PRKAR1B: variants seen among roughly 807,000 people sequenced by gnomAD.
PRKAR1B encodes the protein protein kinase cAMP-dependent type I regulatory subunit beta, also known as cAMP-dependent protein kinase type I-beta regulatory subunit.
A neutral mutation model predicts 46.5 loss-of-function variants in PRKAR1B; 22 were observed. That is an observed-to-expected ratio of 0.47 (90% CI 0.34 to 0.68). PRKAR1B has a LOEUF of 0.68. Among genes scored for constraint, PRKAR1B ranks in the 30% least tolerant of loss-of-function variants. The pLI is 0.01. For missense variants in PRKAR1B, 445 were observed against 535.6 expected, an observed-to-expected ratio of 0.83 and a Z score of 1.67; for synonymous variants, 259 against 217.7, an observed-to-expected ratio of 1.19 and a Z score of -1.67.
At chr7:641,986 T>G (rs553596284) in intron 4 of PRKAR1B, among the ~76,000 whole-genome samples, 1 of 152,228 alleles carries the variant, frequency 6.6e-6, no homozygotes, top group Admixed American at 6.5e-5. Context: ...CACTGCAGCC[T>G]CAACCTCCCG....
At chr7:681,523 G>T (rs1339578572) in intron 2 of PRKAR1B, among the ~76,000 whole-genome samples, 2 of 152,196 alleles carry the variant, frequency 1.3e-5, no homozygotes, top group South Asian at 4.1e-4. Context: ...GCTTTTTAAA[G>T]TGAGTGAGAG....
intron 9 of PRKAR1B, among the ~76,000 whole-genome samples, chr7:576,176 C>T (rs968672808): frequency 6.7e-6 from 1 of 149,530 alleles, no homozygotes; most frequent in Non-Finnish European, 1.5e-5. Context: ...GGCGTGCACG[C>T]TGGCATCCTC....
intron 4 of PRKAR1B, among the ~76,000 whole-genome samples, chr7:675,552 T>C (rs1786534077): frequency 6.6e-6 from 1 of 152,236 alleles, no homozygotes; most frequent in South Asian, 2.1e-4. Flanking sequence ...ATTTTCAATA[T>C]GTTACACATC....
intron 9 of PRKAR1B, among the ~76,000 whole-genome samples, chr7:553,318 C>T (rs1031695770): frequency 3.3e-5 from 5 of 152,226 alleles, no homozygotes; most frequent in South Asian, 4.1e-4. Context: ...CGGCCCTGCA[C>T]GCCGCCGGCC....
At chr7:668,269 C>T (rs1325491630) in intron 4 of PRKAR1B, among the ~76,000 whole-genome samples, 1 of 152,198 alleles carries the variant, frequency 6.6e-6, no homozygotes, top group African/African-American at 2.4e-5. Flanking sequence ...GCTCGCCAAA[C>T]CACAGCTGAG....
At chr7:619,936 G>C (rs917630769) in intron 4 of PRKAR1B, among the ~76,000 whole-genome samples, 3 of 151,766 alleles carry the variant, frequency 2.0e-5, no homozygotes, top group Admixed American at 2.0e-4. Context: ...CTGTAGCCTC[G>C]AACTCCTGGG....
intron 7 of PRKAR1B, among the ~76,000 whole-genome samples, chr7:588,213 G>C (rs1780709562): frequency 6.6e-6 from 1 of 152,014 alleles, no homozygotes; most frequent in Non-Finnish European, 1.5e-5. Context: ...AGGACCCTAA[G>C]GACACCCACC....
Position 569,757 on chromosome 7 carries a change from G to C in PRKAR1B, c.891+9499C>G, listed in dbSNP as rs540592564. 2.0e-5 allele frequency among the ~76,000 whole-genome samples: 3 copies of C among 152,194 alleles called. No homozygotes were observed. The South Asian group carries it at 6.2e-4, about 31-fold the overall frequency. ...GGATGCTGGCACCTGGTGGACAGCA[G>C]GCAGGGTGAGGCCGGAGTCCCTCTA... On this transcript the variant is annotated intron_variant, in intron 9 of 10. Coordinates refer to ENST00000537384, the MANE Select transcript of PRKAR1B (RefSeq NM_001164760.2).
intron 2 of PRKAR1B, among the ~76,000 whole-genome samples, chr7:710,643 CTTTTTTTTTTTTT>C (rs1177446855): frequency 7.3e-6 from 1 of 137,630 alleles, no homozygotes; most frequent in Non-Finnish European, 1.6e-5. Context: ...TTTCTTTTTC[CTTTTTTTTTTTTT>C]TTTTTTTGAG....
In PRKAR1B at chr7:714,862, C is replaced by T. The variant is rs886769336; in HGVS notation, c.-22-3335G>A. ...CTCAAACCAAACCTGAGGCCCTTCC[C>T]GTATCTGGACTTCCCAATTATGTTC... On this transcript the variant is annotated intron_variant, in intron 1 of 10. Transcript: ENST00000537384. The surrounding 1 kb of genome is among the most constrained non-coding windows in gnomAD (Gnocchi z 4.3). Among the ~76,000 whole-genome samples, 9 of 152,166 alleles carry T rather than the reference C, an allele frequency of 5.9e-5. No individual in the cohort carries two copies. Among genetic ancestry groups the T allele is most frequent in the African/African-American group, 9.7e-5 (4 of 41,432 alleles).
intron 4 of PRKAR1B, among the ~76,000 whole-genome samples, chr7:636,898 G>C (rs1444400669): frequency 6.6e-6 from 1 of 152,200 alleles, no homozygotes; most frequent in East Asian, 1.9e-4. Flanking sequence ...CGCAAACCAC[G>C]GCGAGTGGGA....
At chr7:590,836 C>T (rs1014846307) in intron 7 of PRKAR1B, among the ~76,000 whole-genome samples, 1 of 152,104 alleles carries the variant, frequency 6.6e-6, no homozygotes, top group African/African-American at 2.4e-5. Context: ...CTGAACGAAC[C>T]GGGCTTCCTC....
Position 551,412 on chromosome 7 carries a change from C to A in PRKAR1B, c.950G>T (p.Arg317Leu). ...SPNEEYVEVG[R>L]LGPSDYFGEI... ...ACCGAAGTAGTCAGAGGGTCCCAGGCGCCCCACCTCCACGTACTCCTCATT... is the reference window on the plus strand; with the variant it reads ...ACCGAAGTAGTCAGAGGGTCCCAGGAGCCCCACCTCCACGTACTCCTCATT... The change falls in exon 10 of 11, where the codon CGC (arginine) becomes CTC (leucine). Residue 317 changes from arginine to leucine, a missense_variant. Physicochemically the swap from Arg to Leu is moderately radical, Grantham distance 102 (BLOSUM62 -2). This residue lies in a region of PRKAR1B where 127 missense variants were observed against 138.0 expected (regional missense o/e 0.92). Coordinates refer to ENST00000537384, the MANE Select transcript of PRKAR1B (RefSeq NM_001164760.2). The A allele has an allele frequency of 6.4e-7, 1 of 1,559,734 alleles. No individual in the cohort carries two copies.
intron 6 of PRKAR1B, among the ~76,000 whole-genome samples, chr7:596,709 C>G (rs1355243567): frequency 6.6e-6 from 1 of 152,270 alleles, no homozygotes. Context: ...CTAGCTGCAC[C>G]GTGATGAGCT....
chr7:702,703 G>C (rs2128523171), intron 2 of PRKAR1B, among the ~76,000 whole-genome samples: 1 of 152,258 alleles, frequency 6.6e-6, no homozygotes, highest in South Asian at 2.1e-4. Flanking sequence ...GGTGCCTGTA[G>C]TCCCAGCTAC....
At chr7:682,511 C>T (rs904354360) in intron 2 of PRKAR1B, among the ~76,000 whole-genome samples, 6 of 151,944 alleles carry the variant, frequency 3.9e-5, no homozygotes, top group East Asian at 1.9e-4. Flanking sequence ...TTTGGGAGGC[C>T]GAGATGGGTG....
chr7:693,404 TC>T (rs1046165716), intron 2 of PRKAR1B, among the ~76,000 whole-genome samples: 5 of 151,742 alleles, frequency 3.3e-5, no homozygotes, highest in African/African-American at 9.7e-5. Context: ...TCAGCAGCTG[TC>T]CCCCGACACC....
chr7:575,037 A>T (rs1779739281), intron 9 of PRKAR1B, among the ~76,000 whole-genome samples: 1 of 152,222 alleles, frequency 6.6e-6, no homozygotes, highest in East Asian at 1.9e-4. Flanking sequence ...AGTAGCGAGA[A>T]CTGGTGATAA....
At chr7:657,469 C>A (rs113290009) in intron 4 of PRKAR1B, among the ~76,000 whole-genome samples, 2 of 152,034 alleles carry the variant, frequency 1.3e-5, no homozygotes, top group African/African-American at 4.8e-5. Context: ...CCCTCAATAC[C>A]CCATATTTAG....
Sources: gnomAD v4.1 joint callset for allele counts (sites outside exome capture counted in the v4.1 genomes callset) on GRCh38, gnomAD v4.1.1 for gene constraint, gnomAD v4.1.1 regional missense constraint, Gnocchi (gnomAD v3.1) non-coding constraint, MANE v1.5 for transcripts, NCBI Gene and HGNC (gene_info 2026-07-23, HGNC 2026-07-21) for gene names.